Variants in SERINC4 observed in about 807,000 individuals in gnomAD.
SERINC4 encodes serine incorporator 4.
A neutral mutation model predicts 52.0 loss-of-function variants in SERINC4; 52 were observed. The ratio of observed to expected loss-of-function variants is 1.00; its 90% CI spans 0.80 to 1.26. The LOEUF is 1.26. Among genes scored for constraint, SERINC4 ranks in the 50% most tolerant of loss-of-function variants. The pLI is 0.00. For synonymous variants in SERINC4, 264 were observed against 247.7 expected (o/e 1.07, Z -0.62); for missense variants, 723 against 632.8 (o/e 1.14, Z -1.53).
At chr15:43,796,986 C>T in intron 6 of SERINC4, 46 bp from the exon 7 acceptor site, 1 of 1,547,888 alleles carries the variant, frequency 6.5e-7, no homozygotes, top group Non-Finnish European at 8.9e-7. Context: ...TGGTAATTTC[C>T]TCCATTTCTA....
intron 10 of SERINC4, 26 bp downstream of exon 10, chr15:43,795,662 C>G (rs767647154): frequency 6.2e-7 from 1 of 1,613,400 alleles, no homozygotes; most frequent in African/African-American, 1.3e-5. Flanking sequence ...TCTACCACTT[C>G]TTATGGTTCC....
chr15:43,797,418 AG>A, intron 5 of SERINC4, 62 bp from the exon 6 acceptor site: 1 of 1,283,950 alleles, frequency 7.8e-7, no homozygotes, highest in Non-Finnish European at 1.1e-6. Flanking sequence ...TTGAGTTGGG[AG>A]TCTTGCTCTG....
At position 43,800,105 on chromosome 15, in the gene SERINC4, CAGAATG is replaced by C; in HGVS notation, c.-125_-120del. ...TTGGGGCTGAGCACCCGGTCCCGGG[CAGAATG>C]GAGACGTCCGGAAGAGAACACTGAC... On this transcript the variant is annotated 5_prime_UTR_variant, in exon 1 of 12. Coordinates refer to ENST00000319327, the MANE Select transcript of SERINC4 (RefSeq NM_001258031.2). 1 of 729,324 alleles carries C rather than the reference CAGAATG, an allele frequency of 1.4e-6. No homozygotes were observed. The highest frequency in any genetic ancestry group is 2.2e-6 in the Non-Finnish European group (1 of 457,588). 45.2% of individuals were successfully genotyped at this position (729,324 alleles called of 1,614,324 possible).
intron 5 of SERINC4, 114 bp downstream of exon 5, chr15:43,797,806 G>T: frequency 1.4e-6 from 1 of 719,738 alleles, no homozygotes; most frequent in Non-Finnish European, 2.4e-6. Flanking sequence ...TTTTGATACT[G>T]CTCAGTGGGA....
chr15:43,796,768 G>C, intron 7 of SERINC4, 26 bp from the exon 8 acceptor site: 1 of 1,614,054 alleles, frequency 6.2e-7, no homozygotes, highest in Non-Finnish European at 8.5e-7. Context: ...AGAAGAGATG[G>C]GTATTAACAA....
intron 9 of SERINC4, 43 bp downstream of exon 9, chr15:43,796,112 G>T: frequency 7.3e-7 from 1 of 1,371,014 alleles, no homozygotes; most frequent in Non-Finnish European, 1.0e-6. Flanking sequence ...GTCTTTGTGT[G>T]GGGGAGGGAG....
intron 5 of SERINC4, 81 bp downstream of exon 5, chr15:43,797,839 C>G (rs967089966): frequency 2.1e-6 from 2 of 943,102 alleles, no homozygotes; most frequent in African/African-American, 3.2e-5. Context: ...AGTGCTCTGC[C>G]GTGCCTTTTG....
chr15:43,795,847 C>G (rs1356657755), intron 9 of SERINC4, 111 bp from the exon 10 acceptor site: 3 of 1,115,346 alleles, frequency 2.7e-6, no homozygotes, highest in Non-Finnish European at 3.8e-6. Flanking sequence ...GGAGGCACAC[C>G]TGGGTTCAAA....
At chr15:43,795,826 T>G in intron 9 of SERINC4, 90 bp from the exon 10 acceptor site, 1 of 1,376,480 alleles carries the variant, frequency 7.3e-7, no homozygotes, top group South Asian at 1.3e-5. Flanking sequence ...ATTGGTCTAG[T>G]ATTAAAAAGT....
At chr15:43,798,777 T>C (rs1465475501) in intron 3 of SERINC4, 182 bp downstream of exon 3, 1 of 661,986 alleles carries the variant, frequency 1.5e-6, no homozygotes, top group Non-Finnish European at 2.7e-6. Context: ...GTTACCTCCA[T>C]TTTAGATGCT....
Position 43,794,933 on chromosome 15 carries a change from T to A in SERINC4, c.*67A>T. On this transcript the variant is annotated 3_prime_UTR_variant, in exon 12 of 12. Coordinates refer to ENST00000319327, the MANE Select transcript of SERINC4 (RefSeq NM_001258031.2). Reference sequence around the variant, plus strand: ...GTGTCCTTGAGGTATTGAGCTGGGCTGGACAGCTCCCCTTGAGCCAACTCT... The same window carrying A: ...GTGTCCTTGAGGTATTGAGCTGGGCAGGACAGCTCCCCTTGAGCCAACTCT... 1 of 1,279,592 alleles carries A rather than the reference T, an allele frequency of 7.8e-7. No homozygotes were observed. The highest frequency in any genetic ancestry group is 2.3e-5 in the East Asian group (1 of 43,244). 79.3% of individuals were successfully genotyped at this position (1,279,592 alleles called of 1,614,324 possible).
chr15:43,795,174 A>T lies in SERINC4; in HGVS notation c.1383T>A (p.Gly461=). 6.2e-7 allele frequency: 1 copy of T among 1,614,108 alleles called. No homozygotes were observed. The change falls in exon 12 of 12, where the codon GGT becomes GGA. Residue 461 remains glycine, a synonymous_variant. Coordinates refer to ENST00000319327, the MANE Select transcript of SERINC4 (RefSeq NM_001258031.2). ...GAELEKTFIK[G]SWATFWVKVA... ...CCTTGACCCAGAAGGTGGCCCAGCTACCCTTGATGAAGGTCTTTTCCAGTT... is the reference window on the plus strand; with the variant it reads ...CCTTGACCCAGAAGGTGGCCCAGCTTCCCTTGATGAAGGTCTTTTCCAGTT...
In SERINC4 at chr15:43,795,656, C is replaced by T. The variant is rs759897948; in HGVS notation, c.1189+32G>A. The T allele has an allele frequency of 4.1e-5, 66 of 1,609,830 alleles. No homozygotes were observed. The highest frequency in any genetic ancestry group is 5.4e-5 in the Non-Finnish European group (64 of 1,178,094). On this transcript the variant is annotated intron_variant, in intron 10 of 11. Transcript: ENST00000319327. ...TCTTATGGCACTCCACAGAGATCTA[C>T]CACTTCTTATGGTTCCTCACTTGGC...
intron 8 of SERINC4, 120 bp downstream of exon 8, chr15:43,796,496 G>T: frequency 3.6e-6 from 4 of 1,119,534 alleles, no homozygotes; most frequent in Non-Finnish European, 5.2e-6. Flanking sequence ...TTTGTGGGGA[G>T]CTTTTCTCAC....
At position 43,796,216 on chromosome 15, in the gene SERINC4, G is replaced by A; in HGVS notation, c.1079C>T (p.Ser360Phe). The change falls in exon 9 of 12, where the codon TCC becomes TTC. Residue 360 changes from serine to phenylalanine, a missense_variant. Ser to Phe is a radical substitution (Grantham distance 155). Coordinates refer to ENST00000319327, the MANE Select transcript of SERINC4 (RefSeq NM_001258031.2). The part of the protein sequence containing the change: ...ACVLFACNEA[S>F]YLAEVFGPLW... ...GGGTCCAAATACCTCAGCCAGGTAG[G>A]AGGCCTCATTGCTGAGAAAGAATAG... 6.2e-7 allele frequency: 1 copy of A among 1,613,560 alleles called. No homozygotes were observed. The highest frequency in any genetic ancestry group is 1.1e-5 in the South Asian group (1 of 91,076).
Position 43,799,367 on chromosome 15 carries a change from G to A in SERINC4, c.222C>T (p.Ile74=). The A allele has an allele frequency of 6.4e-7, 1 of 1,551,136 alleles. No homozygotes were observed. Among genetic ancestry groups the A allele is most frequent in the African/African-American group, 1.4e-5 (1 of 73,146 alleles). The change falls in exon 2 of 12, where the codon ATC becomes ATT. Residue 74 remains isoleucine, a synonymous_variant. Transcript: ENST00000319327. ...CTGTCCTTGACAGCAGGAGGCAGCA[G>A]ATTGCTGAGGCCCCCACATGGAGGA... ...YILLHVGASA[I]CCLLLSRTVV...
In SERINC4 at chr15:43,798,053, CTTTT is replaced by C. The variant is rs751738258; in HGVS notation, c.539-44_539-41del. 3.3e-4 allele frequency: 392 copies of C among 1,197,348 alleles called. 2 individuals are homozygous for C. The highest frequency in any genetic ancestry group is 4.2e-4 in the Non-Finnish European group (357 of 841,332). The allele number at this position is 1,197,348 out of a possible 1,614,324, so 74.2% of individuals were successfully genotyped here. The stretch of plus-strand genomic sequence containing the variant: ...CCAGTGGAAAAATGTCAAATTGTTA[CTTTT>C]TTTTTTTTTTGAGACAGAGTCTTGC... On this transcript the variant is annotated intron_variant, in intron 4 of 11. Coordinates refer to ENST00000319327, the MANE Select transcript of SERINC4 (RefSeq NM_001258031.2).
chr15:43,798,949 A>T lies in SERINC4; in HGVS notation c.458+10T>A. 6.4e-7 allele frequency: 1 copy of T among 1,550,474 alleles called. No homozygotes were observed. Among genetic ancestry groups the T allele is most frequent in the Non-Finnish European group, 8.7e-7 (1 of 1,146,906 alleles). ...TCTGTCCCCTCCCCACCCAGAAAGT[A>T]CACACAAACCTATTATGCAGCTGTG... On this transcript the variant is annotated intron_variant, in intron 3 of 11. Transcript: ENST00000319327.
At position 43,798,673 on chromosome 15, in the gene SERINC4, C is replaced by T. The variant is rs2141694941; in HGVS notation, c.459-169G>A. 4 of 630,692 alleles carry T rather than the reference C, an allele frequency of 6.3e-6. No homozygotes were observed. In the Middle Eastern group the frequency reaches 9.4e-4, roughly 149 times the overall value. 39.1% of individuals were successfully genotyped at this position (630,692 alleles called of 1,614,324 possible). A position where few individuals can be genotyped will look rare whatever the true frequency, so the allele number is the denominator to read the frequency against. On this transcript the variant is annotated intron_variant, in intron 3 of 11. Transcript: ENST00000319327. ...AGAGGGGGTTGGGACAGGCCTACTG[C>T]ACCTTATTCCAAATTCTAACTCAAA...
Sources: allele counts gnomAD v4.1 joint callset, GRCh38; gene constraint gnomAD v4.1.1; transcripts MANE v1.5; gene names NCBI Gene and HGNC (gene_info 2026-07-23, HGNC 2026-07-21).